MACROD2: variants seen among roughly 807,000 people sequenced by gnomAD.
MACROD2 encodes the protein mono-ADP ribosylhydrolase 2.
In MACROD2, 36 loss-of-function variants were observed where a neutral mutation model predicts 70.4. That is an observed-to-expected ratio of 0.51 (90% CI 0.39 to 0.68). The LOEUF is 0.68. MACROD2 is among the 30% of genes least tolerant of loss of function. MACROD2 has a pLI of 0.00. For missense variants in MACROD2, 496 were observed against 538.4 expected (o/e 0.92, Z 0.78); for synonymous variants, 172 against 178.8 (o/e 0.96, Z 0.30).
At chr20:14,165,465 T>C (rs1348974589) in intron 3 of MACROD2, among the ~76,000 whole-genome samples, 1 of 152,196 alleles carries the variant, frequency 6.6e-6, no homozygotes, top group Non-Finnish European at 1.5e-5. Context: ...GCCAGTGTTC[T>C]TTCTTAGAGG....
At chr20:15,715,302 C>T (rs1045753811) in intron 8 of MACROD2, among the ~76,000 whole-genome samples, 12 of 152,066 alleles carry the variant, frequency 7.9e-5, no homozygotes, top group South Asian at 2.1e-4. Context: ...GTCATGTCAG[C>T]AAACGTGTAT....
intron 4 of MACROD2, among the ~76,000 whole-genome samples, chr20:14,519,844 A>C (rs535622434): frequency 1.3e-5 from 2 of 152,354 alleles, no homozygotes; most frequent in African/African-American, 4.8e-5. Flanking sequence ...GACTGGATAA[A>C]GAAAACATGG....
At chr20:15,659,004 A>G (rs76811536) in intron 8 of MACROD2, among the ~76,000 whole-genome samples, 6,484 of 152,282 alleles carry the variant, frequency 0.043, 159 homozygotes, top group Non-Finnish European at 0.048. Context: ...TAATTTTTAA[A>G]TTTTAAGGAT....
chr20:15,381,942 A>T (rs1878351640), intron 6 of MACROD2, among the ~76,000 whole-genome samples: 1 of 152,220 alleles, frequency 6.6e-6, no homozygotes, highest in East Asian at 1.9e-4. Context: ...AGAAGGTGGC[A>T]TCAGTATTAC....
chr20:14,848,468 C>A (rs755286087), intron 5 of MACROD2, among the ~76,000 whole-genome samples: 3 of 151,808 alleles, frequency 2.0e-5, no homozygotes, highest in African/African-American at 4.8e-5. Context: ...TTTGAGTATG[C>A]TGTTTTTATT....
At chr20:15,228,696 G>T (rs2076933561) in intron 5 of MACROD2, among the ~76,000 whole-genome samples, 1 of 151,706 alleles carries the variant, frequency 6.6e-6, no homozygotes, top group Non-Finnish European at 1.5e-5. Context: ...CATCATGTTG[G>T]CCAGGATGGT....
chr20:14,567,720 A>G (rs1233141605), intron 4 of MACROD2, among the ~76,000 whole-genome samples: 1 of 152,110 alleles, frequency 6.6e-6, no homozygotes, highest in Non-Finnish European at 1.5e-5. Flanking sequence ...CAGAAGCAGC[A>G]AGGATTCAAT....
At chr20:14,054,294 A>G (rs1278327740) in intron 2 of MACROD2, among the ~76,000 whole-genome samples, 1 of 151,868 alleles carries the variant, frequency 6.6e-6, no homozygotes, top group Non-Finnish European at 1.5e-5. Flanking sequence ...TATAAGGATG[A>G]GGAGGAATTC....
chr20:14,963,848 C>G (rs1189741704), intron 5 of MACROD2, among the ~76,000 whole-genome samples: 1 of 152,170 alleles, frequency 6.6e-6, no homozygotes, highest in Non-Finnish European at 1.5e-5. Context: ...GTCCCCAGAA[C>G]TTTTCTTTGG....
intron 5 of MACROD2, among the ~76,000 whole-genome samples, chr20:15,195,229 C>T (rs907014335): frequency 2.6e-5 from 4 of 152,060 alleles, no homozygotes; most frequent in Non-Finnish European, 4.4e-5. Flanking sequence ...CAAAAATTGA[C>T]AAATGGGGTC....
At chr20:14,933,703 C>T (rs905459481) in intron 5 of MACROD2, 1 of 151,868 alleles carries the variant, frequency 6.6e-6, no homozygotes, top group African/African-American at 2.4e-5. Context: ...GTTTTAATGC[C>T]ATAATTCAAC....
chr20:15,352,799 T>A (rs1230738007), intron 6 of MACROD2, among the ~76,000 whole-genome samples: 1 of 151,972 alleles, frequency 6.6e-6, no homozygotes, highest in African/African-American at 2.4e-5. Flanking sequence ...TTACAAGGGA[T>A]GTGAAGGACC....
chr20:14,249,473 G>C (rs1266957886), intron 3 of MACROD2, among the ~76,000 whole-genome samples: 1 of 151,936 alleles, frequency 6.6e-6, no homozygotes. Flanking sequence ...CAAGAGATAG[G>C]CTTCGTCTTG....
At chr20:15,099,175 A>G (rs1002492764) in intron 5 of MACROD2, among the ~76,000 whole-genome samples, 2 of 152,194 alleles carry the variant, frequency 1.3e-5, no homozygotes, top group African/African-American at 4.8e-5. Flanking sequence ...AAAAAATGTT[A>G]TATTAGTTAA....
At chr20:14,759,200 G>A (rs769908502) in intron 5 of MACROD2, among the ~76,000 whole-genome samples, 14 of 151,966 alleles carry the variant, frequency 9.2e-5, no homozygotes, top group Non-Finnish European at 1.6e-4. Flanking sequence ...GCCATTAGAC[G>A]TATCAAAACT....
chr20:15,761,489 A>G (rs905785078), intron 8 of MACROD2, among the ~76,000 whole-genome samples: 1 of 152,238 alleles, frequency 6.6e-6, no homozygotes. Flanking sequence ...GATAACAAAA[A>G]TCGCTTCAAT....
chr20:14,003,781 A>T (rs1601099987), intron 2 of MACROD2: 2 of 53,770 alleles, frequency 3.7e-5, no homozygotes, highest in South Asian at 3.6e-4. Context: ...TACAAAGGTT[A>T]AAAAAAAAAA....
chr20:15,693,835 C>G (rs2050328748), intron 8 of MACROD2, among the ~76,000 whole-genome samples: 1 of 151,932 alleles, frequency 6.6e-6, no homozygotes, highest in Admixed American at 6.6e-5. Flanking sequence ...CACACTCTAC[C>G]ATATTTGTAG....
intron 3 of MACROD2, among the ~76,000 whole-genome samples, chr20:14,167,888 C>T (rs2081185573): frequency 6.6e-6 from 1 of 152,076 alleles, no homozygotes; most frequent in African/African-American, 2.4e-5. Flanking sequence ...TCATCTCACC[C>T]CAGTATAGTA....
Sources: allele counts gnomAD v4.1 joint callset (sites outside exome capture counted in the v4.1 genomes callset), GRCh38; gene constraint gnomAD v4.1.1; transcripts MANE v1.5; gene names NCBI Gene and HGNC (gene_info 2026-07-23, HGNC 2026-07-21).